Variants in NRXN1 observed in about 807,000 individuals in gnomAD.
NRXN1 encodes the protein neurexin-1.
Under a neutral mutation model 150.9 loss-of-function variants are expected in NRXN1, and 39 were observed. That is an observed-to-expected ratio of 0.26 (90% CI 0.20 to 0.34). NRXN1 has a LOEUF of 0.34. Ranked by LOEUF, NRXN1 falls within the 10% of genes least tolerant of loss-of-function variation. The pLI, the probability that NRXN1 is intolerant of heterozygous loss-of-function variation, is 1.00. For synonymous variants in NRXN1, 924 were observed against 757.0 expected (o/e 1.22, Z -3.62); for missense variants, 1,815 against 1,949.9 (o/e 0.93, Z 1.30).
At chr2:50,850,480 T>C (rs1467117681) in intron 5 of NRXN1, among the ~76,000 whole-genome samples, 1 of 152,166 alleles carries the variant, frequency 6.6e-6, no homozygotes, top group African/African-American at 2.4e-5. Flanking sequence ...TTTGACTTTC[T>C]TTCTTGCTTC....
chr2:50,552,665 T>C lies in NRXN1; in HGVS notation c.1681A>G (p.Ile561Val), dbSNP rs375557283. The change falls in exon 9 of 23, where the codon ATA becomes GTA. Residue 561 changes from isoleucine (I) to valine (V), a missense_variant. Physicochemically the swap from Ile to Val is conservative, Grantham distance 29 (BLOSUM62 3). Around this residue, in one of 6 missense-constraint regions of NRXN1, gnomAD observed 638 missense variants for 652.6 expected, o/e 0.98. Transcript: ENST00000401669. ...YLLLDMGSGT[I>V]KIKALLKKVN... is the part of the protein sequence containing the mutation. ...TTCTTCAACAGGGCTTTTATTTTTA[T>C]AGTACCTGACCCCATGTCCAGGAGG... 7 of 1,613,768 alleles carry C rather than the reference T, an allele frequency of 4.3e-6. No individual in the cohort carries two copies. Among genetic ancestry groups the C allele is most frequent in the Non-Finnish European group, 5.9e-6 (7 of 1,179,806 alleles).
At chr2:50,757,705 C>A (rs769257275) in intron 5 of NRXN1, among the ~76,000 whole-genome samples, 22 of 151,650 alleles carry the variant, frequency 1.5e-4, no homozygotes, top group Non-Finnish European at 2.5e-4. Flanking sequence ...GGTGTACAAG[C>A]GTGATAGTCT....
intron 17 of NRXN1, among the ~76,000 whole-genome samples, chr2:50,362,185 G>A (rs768921075): frequency 1.3e-5 from 2 of 152,028 alleles, no homozygotes; most frequent in Non-Finnish European, 2.9e-5. Context: ...TTTGAAAACC[G>A]GCACAAGACA....
chr2:50,020,660 T>G (rs1179411904), intron 21 of NRXN1, among the ~76,000 whole-genome samples: 1 of 152,218 alleles, frequency 6.6e-6, no homozygotes, highest in Non-Finnish European at 1.5e-5. Flanking sequence ...TCTGACACAT[T>G]TTATACTTTT....
At chr2:50,646,293 C>A (rs919850533) in intron 5 of NRXN1, among the ~76,000 whole-genome samples, 4 of 152,010 alleles carry the variant, frequency 2.6e-5, no homozygotes, top group African/African-American at 9.7e-5. Context: ...CAGCTGGAGT[C>A]CTTAGAACTT....
intron 17 of NRXN1, among the ~76,000 whole-genome samples, chr2:50,371,551 T>C (rs1015802678): frequency 2.6e-5 from 4 of 152,072 alleles, no homozygotes; most frequent in Non-Finnish European, 5.9e-5. Context: ...AAGTGATTTA[T>C]TCAGAGTTGC....
intron 5 of NRXN1, among the ~76,000 whole-genome samples, chr2:50,753,919 T>C (rs1379405220): frequency 7.3e-6 from 1 of 137,892 alleles, no homozygotes; most frequent in Non-Finnish European, 1.5e-5. Context: ...CTCATTATTT[T>C]ACAATTTTCT....
chr2:50,309,998 G>T (rs1034092816), intron 17 of NRXN1, among the ~76,000 whole-genome samples: 3 of 152,148 alleles, frequency 2.0e-5, no homozygotes, highest in South Asian at 4.1e-4. Flanking sequence ...ATAAAAGAAA[G>T]CTTGCTATGT....
intron 5 of NRXN1, among the ~76,000 whole-genome samples, chr2:50,915,696 G>A (rs1035362202): frequency 6.6e-6 from 1 of 151,352 alleles, no homozygotes; most frequent in African/African-American, 2.4e-5. Flanking sequence ...TTAAGATAAT[G>A]ATACTGTTTT....
chr2:50,157,105 C>T (rs1158441638), intron 18 of NRXN1, among the ~76,000 whole-genome samples: 2 of 151,956 alleles, frequency 1.3e-5, no homozygotes, highest in Admixed American at 1.3e-4. Context: ...GCATTAAAGC[C>T]TATGTGCTTA....
chr2:50,579,787 T>A (rs536780605), intron 8 of NRXN1, among the ~76,000 whole-genome samples: 22 of 152,258 alleles, frequency 1.4e-4, no homozygotes, highest in Admixed American at 8.5e-4. Flanking sequence ...GCATGTAATA[T>A]GAAGGTGAAT....
intron 5 of NRXN1, among the ~76,000 whole-genome samples, chr2:50,723,990 T>C (rs896732850): frequency 1.3e-5 from 2 of 152,216 alleles, no homozygotes; most frequent in Non-Finnish European, 2.9e-5. Context: ...CTGTTTTCTC[T>C]CTAATTTGTT....
At chr2:50,936,895 G>A (rs1003843054) in intron 2 of NRXN1, among the ~76,000 whole-genome samples, 1 of 151,888 alleles carries the variant, frequency 6.6e-6, no homozygotes, top group Non-Finnish European at 1.5e-5. Flanking sequence ...AAATTGTCAG[G>A]AACAAAAAAT....
chr2:50,260,269 A>C (rs112897086), intron 17 of NRXN1, among the ~76,000 whole-genome samples: 1 of 151,998 alleles, frequency 6.6e-6, no homozygotes, highest in African/African-American at 2.4e-5. Flanking sequence ...ACTTCTGCCT[A>C]TTGAAAATTT....
At chr2:51,018,700 T>C (rs1223090009) in intron 2 of NRXN1, among the ~76,000 whole-genome samples, 6 of 152,130 alleles carry the variant, frequency 3.9e-5, no homozygotes, top group Admixed American at 3.9e-4. Flanking sequence ...TAGTTCTTTA[T>C]ATTTGTGCTG....
chr2:50,599,996 T>C (rs1443728907), intron 8 of NRXN1, among the ~76,000 whole-genome samples: 4 of 152,052 alleles, frequency 2.6e-5, no homozygotes, highest in Non-Finnish European at 5.9e-5. Flanking sequence ...ATATTAGAAA[T>C]TAATTATATA....
At chr2:50,022,628 TCAAA>T (rs1687736101) in intron 21 of NRXN1, 1 of 152,260 alleles carries the variant, frequency 6.6e-6, no homozygotes, top group Non-Finnish European at 1.5e-5. Context: ...AGAATCATTG[TCAAA>T]CAATTGCAGA....
Position 50,091,357 on chromosome 2 carries a change from C to T in NRXN1, c.3684G>A (p.Val1228=). The change falls in exon 19 of 23, where the codon GTG becomes GTA. Residue 1228 remains valine, a synonymous_variant. Coordinates refer to ENST00000401669, the MANE Select transcript of NRXN1 (RefSeq NM_001330078.2). The stretch of plus-strand genomic sequence containing the variant: ...AGCGCTCGATCACTGGCCAGCTGTC[C>T]ACCTGCAACGTGGCATTGCCACCAC... ...TRSGGNATLQ[V]DSWPVIERYP... is the part of the protein sequence containing the mutation. The T allele has an allele frequency of 6.2e-7, 1 of 1,614,196 alleles. No homozygotes were observed. Among genetic ancestry groups the T allele is most frequent in the Non-Finnish European group, 8.5e-7 (1 of 1,180,044 alleles).
intron 18 of NRXN1, among the ~76,000 whole-genome samples, chr2:50,233,060 T>C (rs946229050): frequency 1.0e-5 from 1 of 97,338 alleles, no homozygotes; most frequent in Admixed American, 1.1e-4. Context: ...TCACTTTACT[T>C]GACTGTTAAA....
Sources: allele counts gnomAD v4.1 joint callset (sites outside exome capture counted in the v4.1 genomes callset), GRCh38; gene constraint gnomAD v4.1.1; regional missense constraint gnomAD v4.1.1; transcripts MANE v1.5; gene names NCBI Gene and HGNC (gene_info 2026-07-23, HGNC 2026-07-21).